The following BCAR3 variants were observed in gnomAD, a reference collection of about 807,000 sequenced individuals.
The protein encoded by BCAR3 is BCAR3 adaptor protein, NSP family member.
A neutral mutation model predicts 80.1 loss-of-function variants in BCAR3; 37 were observed. That is an observed-to-expected ratio of 0.46 (90% CI 0.36 to 0.61). The LOEUF (loss-of-function observed/expected upper bound fraction) is 0.61. Ranked by LOEUF, BCAR3 falls within the 20% of genes least tolerant of loss-of-function variation. The probability of loss-of-function intolerance (pLI) is 0.00; values close to 1 mark genes in which losing one functional copy is unlikely to be tolerated. For missense variants in BCAR3, 978 were observed against 1,068.2 expected, an observed-to-expected ratio of 0.92 and a Z score of 1.18; for synonymous variants, 389 against 418.9, an observed-to-expected ratio of 0.93 and a Z score of 0.87.
intron 3 of BCAR3, among the ~76,000 whole-genome samples, chr1:93,638,786 A>G (rs2101905934): frequency 6.6e-6 from 1 of 152,336 alleles, no homozygotes; most frequent in East Asian, 1.9e-4. Flanking sequence ...TTGACCACAG[A>G]AAAGGACCTC....
At chr1:93,571,267 G>A (rs550652059) in intron 9 of BCAR3, among the ~76,000 whole-genome samples, 1 of 151,648 alleles carries the variant, frequency 6.6e-6, no homozygotes, top group East Asian at 1.9e-4. Context: ...CCAGCACTTC[G>A]GGAGGCTGAG....
intron 2 of BCAR3, among the ~76,000 whole-genome samples, chr1:93,736,337 G>A (rs1650970714): frequency 6.6e-6 from 1 of 152,164 alleles, no homozygotes; most frequent in South Asian, 2.1e-4. Flanking sequence ...ACAAGCGCGT[G>A]CCACTGCACC....
chr1:93,826,360 G>A (rs1470029000), intron 2 of BCAR3, among the ~76,000 whole-genome samples: 5 of 152,076 alleles, frequency 3.3e-5, no homozygotes, highest in Non-Finnish European at 4.4e-5. Flanking sequence ...TCAGGATCAG[G>A]TACAAATTTC....
chr1:93,734,081 A>G (rs1226522538), intron 2 of BCAR3, among the ~76,000 whole-genome samples: 2 of 152,240 alleles, frequency 1.3e-5, no homozygotes, highest in East Asian at 1.9e-4. Context: ...GATGAAGACA[A>G]ATAATAATAC....
chr1:93,822,402 T>C (rs939699404), intron 2 of BCAR3, among the ~76,000 whole-genome samples: 3 of 151,410 alleles, frequency 2.0e-5, no homozygotes, highest in African/African-American at 7.3e-5. Flanking sequence ...TGCAATGGCG[T>C]GGTCTTGGCT....
intron 2 of BCAR3, among the ~76,000 whole-genome samples, chr1:93,790,176 T>G (rs751810589): frequency 6.6e-6 from 1 of 152,122 alleles, no homozygotes; most frequent in Non-Finnish European, 1.5e-5. Flanking sequence ...ACAGAAATAT[T>G]AGAAAAATAA....
intron 4 of BCAR3, among the ~76,000 whole-genome samples, chr1:93,591,847 C>T (rs564504571): frequency 2.4e-4 from 36 of 152,282 alleles, no homozygotes; most frequent in African/African-American, 7.7e-4. Context: ...TCTGGGCCAC[C>T]TGCCCTCTCT....
intron 2 of BCAR3, among the ~76,000 whole-genome samples, chr1:93,726,413 G>T (rs1650584521): frequency 6.6e-6 from 1 of 152,028 alleles, no homozygotes; most frequent in Non-Finnish European, 1.5e-5. Flanking sequence ...CCTAAATTTG[G>T]AATTATCTTG....
At chr1:93,570,125 A>C (rs1037456051) in intron 9 of BCAR3, among the ~76,000 whole-genome samples, 3 of 152,142 alleles carry the variant, frequency 2.0e-5, no homozygotes, top group Non-Finnish European at 4.4e-5. Flanking sequence ...TCTGAAATAT[A>C]ATTAGAATTG....
chr1:93,829,952 G>A (rs1321478920), intron 2 of BCAR3, among the ~76,000 whole-genome samples: 1 of 152,126 alleles, frequency 6.6e-6, no homozygotes, highest in African/African-American at 2.4e-5. Flanking sequence ...TATAATGATA[G>A]AGTTCTCACA....
At chr1:93,727,466 G>A (rs146128509) in intron 2 of BCAR3, among the ~76,000 whole-genome samples, 12 of 152,264 alleles carry the variant, frequency 7.9e-5, no homozygotes, top group East Asian at 5.8e-4. Flanking sequence ...TTGTAAGCTC[G>A]GCAATGTATT....
rs1415579492 is a variant in BCAR3, at chr1:93,847,009, GGT to G, written c.-209+59_-209+60del. ...TCGCGCGCAGGTCCAGCCGCGGCTG[GGT>G]CGGGCGCGGCGGCCGGGCGCGAGGG... On this transcript the variant is annotated intron_variant, in intron 1 of 13. Transcript: ENST00000370244. 8 of 16,712 alleles carry G rather than the reference GGT, an allele frequency of 4.8e-4. 2 individuals carry two copies. Among genetic ancestry groups the G allele is most frequent in the Non-Finnish European group, 8.3e-4 (8 of 9,650 alleles). 1.0% of individuals were successfully genotyped at this position (16,712 alleles called of 1,614,324 possible).
intron 3 of BCAR3, among the ~76,000 whole-genome samples, chr1:93,693,885 G>A (rs1002952864): frequency 1.3e-5 from 2 of 152,172 alleles, no homozygotes; most frequent in African/African-American, 2.4e-5. Flanking sequence ...AGCTGATAGT[G>A]GTCTCCACCA....
At chr1:93,661,647 C>T (rs940751478) in intron 2 of BCAR3, among the ~76,000 whole-genome samples, 1 of 151,648 alleles carries the variant, frequency 6.6e-6, no homozygotes, top group South Asian at 2.1e-4. Flanking sequence ...ATCACCACAC[C>T]CGGCTAAATT....
intron 7 of BCAR3, among the ~76,000 whole-genome samples, chr1:93,577,747 C>T (rs1009352934): frequency 1.3e-5 from 2 of 151,928 alleles, no homozygotes; most frequent in Admixed American, 1.3e-4. Context: ...TGTCAGAGGT[C>T]CCAAACCCTG....
intron 2 of BCAR3, among the ~76,000 whole-genome samples, chr1:93,815,194 T>C (rs72967332): frequency 0.084 from 12,726 of 152,194 alleles, 1,050 homozygotes; most frequent in African/African-American, 0.21. Flanking sequence ...GCTGCACTTA[T>C]CACCTCCCAG....
At chr1:93,797,152 G>C (rs1172810024) in intron 2 of BCAR3, among the ~76,000 whole-genome samples, 1 of 152,180 alleles carries the variant, frequency 6.6e-6, no homozygotes, top group African/African-American at 2.4e-5. Flanking sequence ...CAATAACCTT[G>C]TTGAATTTGA....
At chr1:93,728,189 A>G (rs1231543583) in intron 2 of BCAR3, among the ~76,000 whole-genome samples, 1 of 152,240 alleles carries the variant, frequency 6.6e-6, no homozygotes, top group African/African-American at 2.4e-5. Flanking sequence ...AATTTTTTAC[A>G]GCAGCCCTAG....
intron 3 of BCAR3, among the ~76,000 whole-genome samples, chr1:93,698,647 G>T (rs1245287135): frequency 1.3e-5 from 2 of 152,178 alleles, no homozygotes; most frequent in Non-Finnish European, 2.9e-5. Context: ...ATTCCTGAGT[G>T]GGGTGGAGGA....
Sources: allele counts gnomAD v4.1 joint callset (sites outside exome capture counted in the v4.1 genomes callset), GRCh38; gene constraint gnomAD v4.1.1; transcripts MANE v1.5; gene names NCBI Gene and HGNC (gene_info 2026-07-23, HGNC 2026-07-21).